The following SULF2 variants were observed in gnomAD, a reference collection of about 807,000 sequenced individuals.
SULF2 encodes the protein extracellular sulfatase Sulf-2.
A neutral mutation model predicts 107.7 loss-of-function variants in SULF2; 52 were observed. The observed-to-expected ratio is 0.48, with a 90% CI of 0.39 to 0.61. The LOEUF is 0.61. Among genes scored for constraint, SULF2 ranks in the 20% least tolerant of loss-of-function variants. The probability of loss-of-function intolerance (pLI) is 0.00; values close to 1 mark genes in which losing one functional copy is unlikely to be tolerated. For synonymous variants in SULF2, 460 were observed against 464.3 expected, an observed-to-expected ratio of 0.99 and a Z score of 0.12; for missense variants, 993 against 1,177.3, an observed-to-expected ratio of 0.84 and a Z score of 2.29.
chr20:47,783,651 A>G (rs2090870550), intron 1 of SULF2, among the ~76,000 whole-genome samples: 1 of 152,244 alleles, frequency 6.6e-6, no homozygotes, highest in Non-Finnish European at 1.5e-5. Context: ...AAACCCAAGA[A>G]GTACACACAA....
Position 47,678,532 on chromosome 20 carries a change from A to T in SULF2, c.1193+144T>A. ...GGGGACCATGCTTCTCTCCCACAGC[A>T]GGTAAGTGGTTGGCATGGCGGGACC... On this transcript the variant is annotated intron_variant, in intron 8 of 20. Transcript: ENST00000688720. This position sits in a 1 kb window ranked among gnomAD's most constrained non-coding sequence, Gnocchi z 4.5. The T allele has an allele frequency of 1.3e-6, 1 of 758,516 alleles. No homozygotes were observed. Among genetic ancestry groups the T allele is most frequent in the South Asian group, 2.1e-5 (1 of 48,310 alleles). 47.0% of individuals were successfully genotyped at this position (758,516 alleles called of 1,614,324 possible).
chr20:47,665,372 G>T, intron 13 of SULF2, 79 bp from the exon 14 acceptor site: 2 of 953,050 alleles, frequency 2.1e-6, no homozygotes, highest in South Asian at 2.6e-5. Flanking sequence ...CTGCCCCCAC[G>T]CTGCCGTGTC....
At chr20:47,716,149 A>AT (rs575617374) in intron 3 of SULF2, among the ~76,000 whole-genome samples, 69 of 152,362 alleles carry the variant, frequency 4.5e-4, no homozygotes, top group Admixed American at 1.0e-3. Flanking sequence ...TATGTTGGTT[A>AT]TATCTAGTGA....
intron 2 of SULF2, among the ~76,000 whole-genome samples, chr20:47,756,246 A>G (rs1441490619): frequency 2.0e-5 from 3 of 152,160 alleles, no homozygotes; most frequent in Non-Finnish European, 2.9e-5. Context: ...GACTCCCCAT[A>G]GTTATCAAAT....
chr20:47,781,948 G>A (rs2090840752), intron 1 of SULF2, among the ~76,000 whole-genome samples: 1 of 152,228 alleles, frequency 6.6e-6, no homozygotes, highest in South Asian at 2.1e-4. Flanking sequence ...AATCTGAGCT[G>A]TGGGTCCAGC....
At chr20:47,704,274 T>C (rs370337975) in intron 3 of SULF2, among the ~76,000 whole-genome samples, 11 of 127,892 alleles carry the variant, frequency 8.6e-5, no homozygotes, top group African/African-American at 3.1e-4. Context: ...ATTTTGCATG[T>C]ACATTTTTTT....
In SULF2 at chr20:47,663,561, G is replaced by A; in HGVS notation, c.2119C>T (p.Leu707Phe). 1 of 1,612,030 alleles carries A rather than the reference G, an allele frequency of 6.2e-7. No homozygotes were observed. Among genetic ancestry groups the A allele is most frequent in the Non-Finnish European group, 8.5e-7 (1 of 1,179,506 alleles). The change falls in exon 16 of 21, where the codon CTC (leucine) becomes TTC (phenylalanine). Residue 707 changes from leucine to phenylalanine, a missense_variant. Leu to Phe is a conservative substitution (Grantham distance 22). Coordinates refer to ENST00000688720, the MANE Select transcript of SULF2 (RefSeq NM_001387048.1). ...TGCAGGCGCTTGAGCAGCTTGCGGAGTTTCTTCTTGCGCTTCTGCTCCCGC... is the reference window on the plus strand; with the variant it reads ...TGCAGGCGCTTGAGCAGCTTGCGGAATTTCTTCTTGCGCTTCTGCTCCCGC... Reference protein sequence around the residue: ...LLREQKRKKKLRKLLKRLQNN... With the variant: ...LLREQKRKKKFRKLLKRLQNN...
At chr20:47,719,392 G>C (rs1174270903) in intron 3 of SULF2, among the ~76,000 whole-genome samples, 2 of 152,186 alleles carry the variant, frequency 1.3e-5, no homozygotes, top group Non-Finnish European at 2.9e-5. Context: ...TTCCCTTATA[G>C]TTTCTGTGTC....
At chr20:47,746,814 A>T (rs1347729755) in intron 2 of SULF2, among the ~76,000 whole-genome samples, 1 of 151,336 alleles carries the variant, frequency 6.6e-6, no homozygotes, top group East Asian at 1.9e-4. Context: ...GAAGGGGAAC[A>T]TCACACACTG....
At chr20:47,684,375 G>A (rs2087926452) in intron 6 of SULF2, 56 bp downstream of exon 6, 6 of 1,535,314 alleles carry the variant, frequency 3.9e-6, no homozygotes, top group Non-Finnish European at 5.2e-6. Context: ...TCTCGGCCCT[G>A]GCCTGGCTGG....
intron 1 of SULF2, among the ~76,000 whole-genome samples, chr20:47,782,043 G>C (rs940085583): frequency 2.6e-5 from 4 of 152,200 alleles, no homozygotes; most frequent in Admixed American, 2.0e-4. Flanking sequence ...AAGCTGGCTT[G>C]AGTTTTTTTC....
intron 3 of SULF2, among the ~76,000 whole-genome samples, chr20:47,712,044 G>C (rs562836414): frequency 6.6e-6 from 1 of 152,086 alleles, no homozygotes; most frequent in Non-Finnish European, 1.5e-5. Context: ...ACACATACAC[G>C]AATACACAAC....
At chr20:47,677,465 C>T (rs1030578998) in intron 8 of SULF2, among the ~76,000 whole-genome samples, 3 of 151,714 alleles carry the variant, frequency 2.0e-5, no homozygotes, top group African/African-American at 7.3e-5. Flanking sequence ...CCCAGGAAGC[C>T]CAGCAACTCC....
chr20:47,759,852 C>CT, intron 1 of SULF2, among the ~76,000 whole-genome samples: 1 of 152,392 alleles, frequency 6.6e-6, no homozygotes, highest in Admixed American at 6.5e-5. Context: ...TTTTATTTCT[C>CT]TTGTAATCAC....
chr20:47,743,749 C>T (rs2089943931), intron 2 of SULF2, among the ~76,000 whole-genome samples: 1 of 152,188 alleles, frequency 6.6e-6, no homozygotes, highest in Admixed American at 6.5e-5. Context: ...CGGATGCTCA[C>T]TCGCCCCAAC....
intron 19 of SULF2, 57 bp from the exon 20 acceptor site, chr20:47,659,509 G>T: frequency 6.3e-7 from 1 of 1,581,602 alleles, no homozygotes; most frequent in Non-Finnish European, 8.7e-7. Flanking sequence ...GAAAGAAAAA[G>T]TCCCCAAAGA....
intron 3 of SULF2, among the ~76,000 whole-genome samples, chr20:47,706,092 C>A (rs1020501084): frequency 6.6e-6 from 1 of 152,142 alleles, no homozygotes; most frequent in Admixed American, 6.5e-5. Context: ...AGCCACCATA[C>A]GTCGCTGAGA....
intron 11 of SULF2, among the ~76,000 whole-genome samples, chr20:47,670,714 G>A (rs1193211039): frequency 7.7e-4 from 77 of 99,708 alleles, no homozygotes; most frequent in Admixed American, 1.5e-3. Flanking sequence ...GGTGGGGGTG[G>A]GAGCGGGGTG....
At chr20:47,742,007 C>G (rs1231606324) in intron 2 of SULF2, among the ~76,000 whole-genome samples, 1 of 152,226 alleles carries the variant, frequency 6.6e-6, no homozygotes. Context: ...TTGGCCAGCA[C>G]TCACCCTTCC....
Sources: allele counts gnomAD v4.1 joint callset (sites outside exome capture counted in the v4.1 genomes callset), GRCh38; gene constraint gnomAD v4.1.1; non-coding constraint Gnocchi (gnomAD v3.1); transcripts MANE v1.5; gene names NCBI Gene and HGNC (gene_info 2026-07-23, HGNC 2026-07-21).